The following CYSTM1 variants were observed in gnomAD, a reference collection of about 807,000 sequenced individuals.
The protein encoded by CYSTM1 is cysteine rich transmembrane module containing 1, also known as cysteine-rich transmembrane module-containing protein 1.
A neutral mutation model predicts 13.1 loss-of-function variants in CYSTM1; 4 were observed. The ratio of observed to expected loss-of-function variants is 0.31; its 90% CI spans 0.15 to 0.70. The LOEUF (loss-of-function observed/expected upper bound fraction) is 0.70. CYSTM1 is among the 30% of genes least tolerant of loss of function. The pLI is 0.72. For missense variants in CYSTM1, 96 were observed against 121.6 expected, an observed-to-expected ratio of 0.79 and a Z score of 0.99; for synonymous variants, 36 against 42.7, an observed-to-expected ratio of 0.84 and a Z score of 0.62.
intron 1 of CYSTM1, among the ~76,000 whole-genome samples, chr5:140,178,753 A>G (rs1763923642): frequency 6.6e-6 from 1 of 151,818 alleles, no homozygotes; most frequent in Non-Finnish European, 1.5e-5. Flanking sequence ...GGCCTGCACC[A>G]CCACACCTAG....
At chr5:140,232,038 G>A (rs1764623631) in intron 2 of CYSTM1, among the ~76,000 whole-genome samples, 1 of 152,230 alleles carries the variant, frequency 6.6e-6, no homozygotes, top group African/African-American at 2.4e-5. Context: ...GAGATATTGG[G>A]AAGTAAAATC....
intron 2 of CYSTM1, among the ~76,000 whole-genome samples, chr5:140,217,761 G>A (rs1253223404): frequency 6.6e-6 from 1 of 152,098 alleles, no homozygotes; most frequent in Non-Finnish European, 1.5e-5. Context: ...GCCCATATCT[G>A]CAGTTTCTTA....
At chr5:140,222,212 G>A (rs1005025845) in intron 2 of CYSTM1, among the ~76,000 whole-genome samples, 6 of 152,246 alleles carry the variant, frequency 3.9e-5, no homozygotes, top group African/African-American at 1.4e-4. Context: ...CTTTGTGCAA[G>A]CATGGTATTA....
At chr5:140,233,369 A>G (rs1737802886) in intron 2 of CYSTM1, among the ~76,000 whole-genome samples, 1 of 152,222 alleles carries the variant, frequency 6.6e-6, no homozygotes, top group Admixed American at 6.5e-5. Flanking sequence ...CCATTGTATT[A>G]GAGGTACCCC....
chr5:140,190,881 A>G (rs750904816), intron 1 of CYSTM1, among the ~76,000 whole-genome samples: 7 of 152,356 alleles, frequency 4.6e-5, no homozygotes, highest in Middle Eastern at 3.4e-3. Context: ...GATCTGTAGT[A>G]AAACACTTCA....
At chr5:140,220,498 T>C (rs1266662379) in intron 2 of CYSTM1, among the ~76,000 whole-genome samples, 1 of 152,168 alleles carries the variant, frequency 6.6e-6, no homozygotes, top group Non-Finnish European at 1.5e-5. Context: ...CAATTGTGTT[T>C]ATAATTGGTC....
intron 2 of CYSTM1, among the ~76,000 whole-genome samples, chr5:140,209,331 A>C (rs1384694972): frequency 6.9e-6 from 1 of 145,048 alleles, no homozygotes; most frequent in African/African-American, 2.6e-5. Flanking sequence ...CAATGGTGTG[A>C]TCTCAGCTCA....
At chr5:140,178,692 C>CT (rs1763922719) in intron 1 of CYSTM1, among the ~76,000 whole-genome samples, 1 of 151,966 alleles carries the variant, frequency 6.6e-6, no homozygotes, top group Admixed American at 6.6e-5. Flanking sequence ...CCTCCACCTC[C>CT]TGGGCTCAAG....
At position 140,189,803 on chromosome 5, in the gene CYSTM1, C is replaced by T. The variant is rs536512092; in HGVS notation, c.-20-4643C>T. The stretch of plus-strand genomic sequence containing the variant: ...TTGTTTCACTTCTATATATATATAT[C>T]TAAGAGCTTCTGGGTCATAATGTAA... On this transcript the variant is annotated intron_variant, in intron 1 of 2. Transcript: ENST00000261811. Among the ~76,000 whole-genome samples the T allele has an allele frequency of 3.2e-4, 49 of 152,096 alleles. 2 individuals carry two copies. The South Asian group carries it at 9.6e-3, about 30-fold the overall frequency.
At chr5:140,188,888 G>A (rs925160793) in intron 1 of CYSTM1, among the ~76,000 whole-genome samples, 2 of 151,952 alleles carry the variant, frequency 1.3e-5, no homozygotes, top group African/African-American at 4.8e-5. Flanking sequence ...AATATCTGCT[G>A]TTACTGTACA....
intron 2 of CYSTM1, among the ~76,000 whole-genome samples, chr5:140,206,634 G>C (rs1393189601): frequency 2.0e-5 from 3 of 151,016 alleles, no homozygotes; most frequent in African/African-American, 7.3e-5. Context: ...TTGTTTGTTT[G>C]TTTGTTTCTT....
chr5:140,224,252 G>A (rs1581070280), intron 2 of CYSTM1, among the ~76,000 whole-genome samples: 1 of 152,174 alleles, frequency 6.6e-6, no homozygotes, highest in South Asian at 2.1e-4. Context: ...CGATTCTCCT[G>A]CCTCAGCCTC....
At chr5:140,226,586 T>TTATATATATATATATATATATATA (rs549334525) in intron 2 of CYSTM1, among the ~76,000 whole-genome samples, 37 of 75,258 alleles carry the variant, frequency 4.9e-4, no homozygotes, top group South Asian at 1.1e-3. Flanking sequence ...ATACTAAATA[T>TTATATATATATATATATATATATA]TATATATATA....
chr5:140,182,923 C>T (rs1396839749), intron 1 of CYSTM1, among the ~76,000 whole-genome samples: 1 of 152,140 alleles, frequency 6.6e-6, no homozygotes, highest in Non-Finnish European at 1.5e-5. Context: ...AGAGCCACCC[C>T]GCAGTGCTGA....
intron 1 of CYSTM1, among the ~76,000 whole-genome samples, chr5:140,183,398 C>T (rs1469998183): frequency 1.3e-5 from 2 of 152,208 alleles, no homozygotes; most frequent in Non-Finnish European, 2.9e-5. Flanking sequence ...TGCTGGGCCC[C>T]ATTTTCTCTC....
chr5:140,221,049 A>G (rs1764482903), intron 2 of CYSTM1, among the ~76,000 whole-genome samples: 1 of 152,136 alleles, frequency 6.6e-6, no homozygotes, highest in South Asian at 2.1e-4. Context: ...AAAGAATGCA[A>G]GTTTCTTAGC....
At chr5:140,209,025 C>T (rs1330487921) in intron 2 of CYSTM1, among the ~76,000 whole-genome samples, 4 of 145,770 alleles carry the variant, frequency 2.7e-5, no homozygotes, top group East Asian at 2.1e-4. Flanking sequence ...GGTGACAGAG[C>T]GAGACTCCAT....
rs1764549563 is a variant in CYSTM1 at position 140,226,406 on chromosome 5, A to T, written c.188-16899A>T. On this transcript the variant is annotated intron_variant, in intron 2 of 2. Transcript: ENST00000261811. ...CACTTTGGGAGGCCAAGGTAGGCGGATCACTTGAGGTCAGGAGTTCGAGAC... is the reference window on the plus strand; with the variant it reads ...CACTTTGGGAGGCCAAGGTAGGCGGTTCACTTGAGGTCAGGAGTTCGAGAC... 2.1e-5 allele frequency among the ~76,000 whole-genome samples: 3 copies of T among 146,192 alleles called. No individual in the cohort carries two copies. The South Asian group carries it at 6.4e-4, about 31-fold the overall frequency.
intron 2 of CYSTM1, among the ~76,000 whole-genome samples, chr5:140,215,372 C>G (rs981091367): frequency 9.9e-5 from 15 of 151,928 alleles, no homozygotes; most frequent in African/African-American, 3.4e-4. Context: ...GCACAGCAGA[C>G]AGTAACACAA....
Sources: allele counts gnomAD v4.1 joint callset (sites outside exome capture counted in the v4.1 genomes callset), GRCh38; gene constraint gnomAD v4.1.1; transcripts MANE v1.5; gene names NCBI Gene and HGNC (gene_info 2026-07-23, HGNC 2026-07-21).